SSX3: variants seen among roughly 807,000 people sequenced by gnomAD.
The protein encoded by SSX3 is protein SSX3.
SSX3 carries 6 observed loss-of-function variants against 14.8 expected under a neutral mutation model. The ratio of observed to expected loss-of-function variants is 0.41; its 90% CI spans 0.22 to 0.80. The LOEUF (loss-of-function observed/expected upper bound fraction) is 0.80, where lower values mean the gene tolerates loss of function less well. Ranked by LOEUF, SSX3 falls within the 30% of genes least tolerant of loss-of-function variation. The pLI, the probability that SSX3 is intolerant of heterozygous loss-of-function variation, is 0.34. For synonymous variants in SSX3, 55 were observed against 52.9 expected, an observed-to-expected ratio of 1.04 and a Z score of -0.18; for missense variants, 163 against 152.2, an observed-to-expected ratio of 1.07 and a Z score of -0.37.
chrX:48,353,500 G>C (rs1182183331), intron 4 of SSX3, among the ~76,000 whole-genome samples: 1 of 111,046 alleles, frequency 9.0e-6, no homozygotes, highest in Non-Finnish European at 1.9e-5. Context: ...GGGCACGTGC[G>C]TGTAACCCCA....
At chrX:48,347,971 T>C (rs1476868081) in intron 6 of SSX3, among the ~76,000 whole-genome samples, 2 of 112,942 alleles carry the variant, frequency 1.8e-5, no homozygotes, top group Non-Finnish European at 3.7e-5. Flanking sequence ...AATTTTTTTT[T>C]TTGGAAATTC....
chrX:48,348,430 T>A, intron 6 of SSX3: 1 of 519,890 alleles, frequency 1.9e-6, no homozygotes, highest in Middle Eastern at 5.1e-4. Context: ...CTCTTCCTTT[T>A]CTTGGGCCTC....
chrX:48,348,936 G>C (rs1377670978), intron 6 of SSX3, among the ~76,000 whole-genome samples: 1 of 112,005 alleles, frequency 8.9e-6, no homozygotes, highest in Non-Finnish European at 1.9e-5. Context: ...GTTGGTTCGT[G>C]AGGTTTAAGG....
chrX:48,347,718 T>C (rs1265812861), intron 6 of SSX3, 114 bp from the exon 7 acceptor site: 38 of 1,145,958 alleles, frequency 3.3e-5, no homozygotes, highest in Non-Finnish European at 4.3e-5. Context: ...GGGCCTTCTT[T>C]ATCCAGTTTT....
chrX:48,354,144 T>C, intron 3 of SSX3, 50 bp from the exon 4 acceptor site: 1 of 1,077,967 alleles, frequency 9.3e-7, no homozygotes, highest in Non-Finnish European at 1.3e-6. Flanking sequence ...TTGGGCCTGG[T>C]ACGGTGGCTC....
intron 5 of SSX3, among the ~76,000 whole-genome samples, chrX:48,350,943 G>T (rs1158885286): frequency 9.2e-6 from 1 of 109,147 alleles, no homozygotes; most frequent in Admixed American, 9.9e-5. Flanking sequence ...ACTAAGTTTT[G>T]TATTTTTAGT....
chrX:48,355,244 G>T lies in SSX3; in HGVS notation c.6C>A (p.Asn2Lys). 8.3e-7 allele frequency: 1 copy of T among 1,210,851 alleles called. No homozygotes were observed. The highest frequency in any genetic ancestry group is 1.1e-6 in the Non-Finnish European group (1 of 894,795). ...GTCTCCTTGCAAAGGTGTCATCTCCGTTCATGGCACAGGGAGTAGTCTGAC... is the reference window on the plus strand; with the variant it reads ...GTCTCCTTGCAAAGGTGTCATCTCCTTTCATGGCACAGGGAGTAGTCTGAC... M[N>K]GDDTFARRPT... is the part of the protein sequence containing the mutation. The change falls in exon 2 of 8, where the codon AAC becomes AAA. Residue 2 changes from asparagine (N) to lysine (K), a missense_variant. By Grantham distance (94) the Asn-to-Lys change is moderately conservative (BLOSUM62 0). Coordinates refer to ENST00000298396, the MANE Select transcript of SSX3 (RefSeq NM_021014.4).
In SSX3 at chrX:48,347,052, G is replaced by C; in HGVS notation, c.*5-17C>G. 1.7e-6 allele frequency: 2 copies of C among 1,198,205 alleles called. No homozygotes were observed. The highest frequency in any genetic ancestry group is 2.2e-6 in the Non-Finnish European group (2 of 895,284). The stretch of plus-strand genomic sequence containing the variant: ...TCCCCAAGGCTGAGGCAAGAAGAGA[G>C]AAGGAAAGTAAGTGGCAGTGAGTTC... On this transcript the variant is annotated splice_polypyrimidine_tract_variant and intron_variant, in intron 7 of 7. Transcript: ENST00000298396.
intron 5 of SSX3, among the ~76,000 whole-genome samples, chrX:48,350,757 G>A (rs1273625435): frequency 9.2e-6 from 1 of 109,163 alleles, no homozygotes; most frequent in Non-Finnish European, 1.9e-5. Flanking sequence ...ACAATCTTAA[G>A]CTGCTTTCTT....
In SSX3 at chrX:48,354,806, G is replaced by C. The variant is rs781952562; in HGVS notation, c.70-60C>G. The C allele has an allele frequency of 1.0e-5, 12 of 1,199,576 alleles. No individual in the cohort carries two copies. The South Asian group carries it at 2.0e-4, about 20-fold the overall frequency. ...CTCAGCTAGGCATGTCTGCCATTCA[G>C]CTGGAGTCGCTTCCTGTGTGCTGGA... On this transcript the variant is annotated intron_variant, in intron 2 of 7. Transcript: ENST00000298396.
At chrX:48,350,396 AG>A (rs1393972941) in intron 5 of SSX3, among the ~76,000 whole-genome samples, 1 of 111,561 alleles carries the variant, frequency 9.0e-6, no homozygotes, top group Non-Finnish European at 1.9e-5. Flanking sequence ...TTTAATTGAG[AG>A]TGTGATATAC....
At chrX:48,349,554 C>T (rs1556949144) in intron 6 of SSX3, 1 of 1,209,924 alleles carries the variant, frequency 8.3e-7, no homozygotes, top group Admixed American at 2.2e-5. Flanking sequence ...TTGCAGTGGT[C>T]TGGAACCGAA....
chrX:48,351,058 C>T (rs1418874864), intron 5 of SSX3, among the ~76,000 whole-genome samples: 3 of 110,956 alleles, frequency 2.7e-5, no homozygotes, highest in Admixed American at 9.7e-5. Context: ...CGTGAGCCAC[C>T]GCGCCCTGAT....
chrX:48,352,252 C>T (rs1219618060), intron 4 of SSX3, 103 bp from the exon 5 acceptor site: 1 of 956,286 alleles, frequency 1.0e-6, no homozygotes, highest in Admixed American at 2.2e-5. Context: ...GCTTATGAGT[C>T]CACGCATTGT....
intron 4 of SSX3, 78 bp from the exon 5 acceptor site, chrX:48,352,227 T>C (rs1207253036): frequency 8.3e-6 from 9 of 1,090,296 alleles, no homozygotes; most frequent in Middle Eastern, 7.0e-4. Context: ...CGCATCAGGG[T>C]ATTCTGCAGC....
At chrX:48,353,130 C>CTT (rs782294230) in intron 4 of SSX3, among the ~76,000 whole-genome samples, 7 of 98,516 alleles carry the variant, frequency 7.1e-5, no homozygotes, top group Admixed American at 1.1e-4. Context: ...CACTTTCTTT[C>CTT]TTTTTTTTTT....
At chrX:48,350,148 A>G in intron 5 of SSX3, 26 bp from the exon 6 acceptor site, 1 of 1,209,706 alleles carries the variant, frequency 8.3e-7, no homozygotes, top group Non-Finnish European at 1.1e-6. Context: ...GTCATAGATA[A>G]ATAGTATCAG....
At chrX:48,349,820 C>T (rs1463283148) in intron 6 of SSX3, 167 bp downstream of exon 6, 1 of 1,137,369 alleles carries the variant, frequency 8.8e-7, no homozygotes, top group Non-Finnish European at 1.2e-6. Flanking sequence ...GATGACAACT[C>T]CAGTCTGTCT....
intron 6 of SSX3, chrX:48,348,363 T>C (rs1248541437): frequency 7.8e-6 from 4 of 516,115 alleles, no homozygotes; most frequent in Non-Finnish European, 1.1e-5. Context: ...ATGACAAACT[T>C]AATCGATTAA....
Sources: allele counts gnomAD v4.1 joint callset (sites outside exome capture counted in the v4.1 genomes callset), GRCh38; gene constraint gnomAD v4.1.1; transcripts MANE v1.5; gene names NCBI Gene and HGNC (gene_info 2026-07-23, HGNC 2026-07-21).